DHRS7: variants seen among roughly 807,000 people sequenced by gnomAD.
DHRS7 encodes dehydrogenase/reductase 7.
In DHRS7, 34 loss-of-function variants were observed where a neutral mutation model predicts 38.9. The ratio of observed to expected loss-of-function variants is 0.87; its 90% CI spans 0.66 to 1.16. DHRS7 has a LOEUF of 1.16. Ranked by LOEUF, DHRS7 falls within the 50% of genes most tolerant of loss-of-function variation. DHRS7 has a pLI of 0.00. For missense variants in DHRS7, 421 were observed against 407.0 expected, an observed-to-expected ratio of 1.03 and a Z score of -0.30; for synonymous variants, 158 against 153.1, an observed-to-expected ratio of 1.03 and a Z score of -0.24.
rs549467103 is a variant in DHRS7 at position 60,144,399 on chromosome 14, G to C, written c.*567C>G. 1.3e-5 allele frequency: 2 copies of C among 153,240 alleles called. No individual in the cohort carries two copies. The highest frequency in any genetic ancestry group is 3.9e-4 in the East Asian group (2 of 5,192). 9.5% of individuals were successfully genotyped at this position (153,240 alleles called of 1,614,324 possible). On this transcript the variant is annotated 3_prime_UTR_variant, in exon 7 of 7. Transcript: ENST00000557185. ...CCAAAGCAACAGTATTAAAGGATGT[G>C]GCCTTTAAGAGGTGACTGAGTAATG...
Position 60,145,275 on chromosome 14 carries a change from C to T in DHRS7, c.973-262G>A. 3.5e-6 allele frequency: 1 copy of T among 285,612 alleles called. No individual in the cohort carries two copies. Among genetic ancestry groups the T allele is most frequent in the Non-Finnish European group, 6.4e-6 (1 of 156,912 alleles). 17.7% of individuals were successfully genotyped at this position (285,612 alleles called of 1,614,324 possible). On this transcript the variant is annotated intron_variant, in intron 6 of 6. Transcript: ENST00000557185. The surrounding 1 kb of genome is among the most constrained non-coding windows in gnomAD (Gnocchi z 4.0). ...GCATTGGACTGCAATGCTAAATTCT[C>T]TATAATGACTTTTCTGGATCAGCAT...
chr14:60,165,404 G>C, upstream of DHRS7: 3 of 1,475,626 alleles, frequency 2.0e-6, no homozygotes, highest in Non-Finnish European at 2.7e-6. This position sits in a 1 kb window ranked among gnomAD's most constrained non-coding sequence, Gnocchi z 4.6. Flanking sequence ...CCTTCGGCCA[G>C]CCCAGAGCCG....
Position 60,150,205 on chromosome 14 carries a change from A to G in DHRS7, c.634-18T>C, listed in dbSNP as rs1896513138. On this transcript the variant is annotated intron_variant, in intron 4 of 6. Transcript: ENST00000557185. ...AAAAAACCCTAACAGACAAAAAAAA[A>G]AAAAAAGGAAAAAGGCAAATAAATA... The G allele has an allele frequency of 1.3e-6, 2 of 1,514,046 alleles. No individual in the cohort carries two copies. The highest frequency in any genetic ancestry group is 1.8e-6 in the Non-Finnish European group (2 of 1,136,404). The allele number at this position is 1,514,046 out of a possible 1,614,324, so 93.8% of individuals were successfully genotyped here. A position where few individuals can be genotyped will look rare whatever the true frequency, so the allele number is the denominator to read the frequency against.
chr14:60,165,416 A>G (rs1896852811), upstream of DHRS7: 2 of 1,451,136 alleles, frequency 1.4e-6, no homozygotes, highest in Non-Finnish European at 1.8e-6. The surrounding 1 kb of genome is among the most constrained non-coding windows in gnomAD (Gnocchi z 4.6). Flanking sequence ...CCAGAGCCGC[A>G]CTGCCCCGGC....
At position 60,146,258 on chromosome 14, in the gene DHRS7, A is replaced by G. The variant is rs1292006650; in HGVS notation, c.973-1245T>C. The G allele has an allele frequency of 6.6e-6, 1 of 152,096 alleles. No individual in the cohort carries two copies. The highest frequency in any genetic ancestry group is 1.5e-5 in the Non-Finnish European group (1 of 68,006). The allele number at this position is 152,096 out of a possible 1,614,324, so 9.4% of individuals were successfully genotyped here. On this transcript the variant is annotated intron_variant, in intron 6 of 6. Transcript: ENST00000557185. The surrounding 1 kb of genome is among the most constrained non-coding windows in gnomAD (Gnocchi z 4.9). ...GTAAAAAAAATGCGAGATTTGCTAAATGATGTTTATATTTTACAGTTAGAT... is the reference window on the plus strand; with the variant it reads ...GTAAAAAAAATGCGAGATTTGCTAAGTGATGTTTATATTTTACAGTTAGAT...
chr14:60,169,163 C>CAAAAAAAAAAAAAAAAA (rs1896904228), upstream of DHRS7: 1 of 85,496 alleles, frequency 1.2e-5, no homozygotes, highest in Non-Finnish European at 2.2e-5. Flanking sequence ...AAAAAAAAAC[C>CAAAAAAAAAAAAAAAAA]ATTGCACCAA....
upstream of DHRS7, among the ~76,000 whole-genome samples, chr14:60,166,966 T>C (rs1896875753): frequency 6.7e-6 from 1 of 149,168 alleles, no homozygotes; most frequent in Non-Finnish European, 1.5e-5. Context: ...TACCAGAGGC[T>C]GAGAAGAGTA....
In DHRS7 at chr14:60,152,985, G is replaced by T. The variant is rs150536990; in HGVS notation, c.587C>A (p.Ser196Tyr). 45 of 1,614,136 alleles carry T rather than the reference G, an allele frequency of 2.8e-5. No individual in the cohort carries two copies. In the African/African-American group the frequency reaches 5.6e-4, roughly 20 times the overall value. Residue 196 changes from serine (S) to tyrosine (Y), a missense_variant, in exon 4 of 7, where the codon TCT becomes TAT. Coordinates refer to ENST00000557185, the MANE Select transcript of DHRS7 (RefSeq NM_016029.4). ...ACAGTATCCAATGGAAAGAGGTACA[G>T]ATATGATACCCAGGATGCTATTCAC... ...VTVNSILGII[S>Y]VPLSIGYCAS...
In DHRS7 at chr14:60,161,144, T is replaced by A. The variant is rs1896757943; in HGVS notation, c.133+4033A>T. Among the ~76,000 whole-genome samples, 1 of 152,308 alleles carries A rather than the reference T, an allele frequency of 6.6e-6. No homozygotes were observed. Among genetic ancestry groups the A allele is most frequent in the Admixed American group, 6.5e-5 (1 of 15,298 alleles). On this transcript the variant is annotated intron_variant, in intron 1 of 6. Transcript: ENST00000557185. This position sits in a 1 kb window ranked among gnomAD's most constrained non-coding sequence, Gnocchi z 4.2. The stretch of plus-strand genomic sequence containing the variant: ...CAGAGTTTTAGTCACTTTTAACAAT[T>A]TTTTAAAATTCAGTTTGTAGACTCC...
rs1260103723 is a variant in DHRS7 at position 60,160,756 on chromosome 14, T to C, written c.133+4421A>G. The stretch of plus-strand genomic sequence containing the variant: ...GTACCATCATGCCCGGCTAATTTTT[T>C]TGTGTGTATTTTTTTGTAGATATGA... On this transcript the variant is annotated intron_variant, in intron 1 of 6. Transcript: ENST00000557185. Among the ~76,000 whole-genome samples, 3 of 151,892 alleles carry C rather than the reference T, an allele frequency of 2.0e-5. No homozygotes were observed. The South Asian group carries it at 6.2e-4, about 32-fold the overall frequency.
At chr14:60,156,696 T>C (rs1896667242) in intron 1 of DHRS7, among the ~76,000 whole-genome samples, 2 of 152,196 alleles carry the variant, frequency 1.3e-5, no homozygotes, top group African/African-American at 4.8e-5. Context: ...CCTAGATTTT[T>C]AAAGTAGTAT....
At chr14:60,149,187 G>C in intron 6 of DHRS7, 166 bp downstream of exon 6, 1 of 631,980 alleles carries the variant, frequency 1.6e-6, no homozygotes, top group Non-Finnish European at 2.8e-6. Flanking sequence ...TGGCCAGGTT[G>C]GTCTTGAACT....
chr14:60,166,079 G>T, upstream of DHRS7: 1 of 337,382 alleles, frequency 3.0e-6, no homozygotes, highest in Non-Finnish European at 4.2e-6. Flanking sequence ...TAAAAACAGA[G>T]AATGTAATGA....
At chr14:60,151,745 G>T (rs1896549836) in intron 4 of DHRS7, among the ~76,000 whole-genome samples, 1 of 152,184 alleles carries the variant, frequency 6.6e-6, no homozygotes, top group Non-Finnish European at 1.5e-5. Context: ...AATCTGAGAA[G>T]GAAATGTGCT....
chr14:60,168,683 C>G (rs756974194), upstream of DHRS7: 4 of 1,546,628 alleles, frequency 2.6e-6, no homozygotes, highest in South Asian at 2.5e-5. Context: ...TTTTTTCTCC[C>G]CTCTCCAGCC....
At position 60,165,267 on chromosome 14, in the gene DHRS7, G is replaced by T; in HGVS notation, c.43C>A (p.Leu15Met). The change falls in exon 1 of 7, where the codon CTG becomes ATG. Residue 15 changes from leucine to methionine, a missense_variant. Physicochemically the swap from Leu to Met is conservative, Grantham distance 15. Coordinates refer to ENST00000557185, the MANE Select transcript of DHRS7 (RefSeq NM_016029.4). This position sits in a 1 kb window ranked among gnomAD's most constrained non-coding sequence, Gnocchi z 4.6. ...LLLWLLVLCALLLLLVQLLRF... is the reference protein window; with the variant it reads ...LLLWLLVLCAMLLLLVQLLRF... ...AGCAGCTGCACCAAGAGCAGGAGCAGCGCGCACAGCACCAGCAGCCACAGC... is the reference window on the plus strand; with the variant it reads ...AGCAGCTGCACCAAGAGCAGGAGCATCGCGCACAGCACCAGCAGCCACAGC... 1 of 1,603,498 alleles carries T rather than the reference G, an allele frequency of 6.2e-7. No homozygotes were observed. Among genetic ancestry groups the T allele is most frequent in the Non-Finnish European group, 8.5e-7 (1 of 1,177,288 alleles).
rs967945404 is a variant in DHRS7 at position 60,161,736 on chromosome 14, T to A, written c.133+3441A>T. ...AGCAGGATGAGATGTCAAAAATCAC[T>A]TCCCTTGTCCCCCAGAAGGTAGGGT... is the stretch of plus-strand genomic sequence containing the variant. On this transcript the variant is annotated intron_variant, in intron 1 of 6. Coordinates refer to ENST00000557185, the MANE Select transcript of DHRS7 (RefSeq NM_016029.4). The surrounding 1 kb of genome is among the most constrained non-coding windows in gnomAD (Gnocchi z 4.2). 6.6e-6 allele frequency among the ~76,000 whole-genome samples: 1 copy of A among 152,138 alleles called. No homozygotes were observed. The highest frequency in any genetic ancestry group is 2.1e-4 in the South Asian group (1 of 4,824).
chr14:60,156,121 C>T lies in DHRS7; in HGVS notation c.165G>A (p.Val55=). ...CACCAATTCCACTCGAGGCTCCAGT[C>T]ACCCACACCACCATATCAGTCAGCT... ...EWELTDMVVW[V]TGASSGIGEE... is the part of the protein sequence containing the mutation. The change falls in exon 2 of 7, where the codon GTG becomes GTA. Residue 55 remains valine, a synonymous_variant. Coordinates refer to ENST00000557185, the MANE Select transcript of DHRS7 (RefSeq NM_016029.4). The T allele has an allele frequency of 6.3e-7, 1 of 1,598,246 alleles. No individual in the cohort carries two copies. The highest frequency in any genetic ancestry group is 8.5e-7 in the Non-Finnish European group (1 of 1,172,158).
Position 60,153,225 on chromosome 14 carries a change from G to A in DHRS7, c.394-47C>T. On this transcript the variant is annotated intron_variant, in intron 3 of 6. Transcript: ENST00000557185. This position sits in a 1 kb window ranked among gnomAD's most constrained non-coding sequence, Gnocchi z 4.4. ...AGGGGTGTTTGGGGGATGTCTTGTG[G>A]ATAGATTGATGGAATTCCTATGGAT... 6.2e-7 allele frequency: 1 copy of A among 1,604,272 alleles called. No individual in the cohort carries two copies. The highest frequency in any genetic ancestry group is 1.1e-5 in the South Asian group (1 of 90,330).
Sources: allele counts gnomAD v4.1 joint callset (sites outside exome capture counted in the v4.1 genomes callset), GRCh38; gene constraint gnomAD v4.1.1; non-coding constraint Gnocchi (gnomAD v3.1); transcripts MANE v1.5; gene names NCBI Gene and HGNC (gene_info 2026-07-23, HGNC 2026-07-21).